Variants in SLC26A4 observed in about 807,000 individuals in gnomAD.
SLC26A4 encodes the protein solute carrier family 26 member 4, also known as pendrin.
Under a neutral mutation model 90.4 loss-of-function variants are expected in SLC26A4, and 93 were observed. The observed-to-expected ratio is 1.03, with a 90% CI of 0.87 to 1.22. The LOEUF (loss-of-function observed/expected upper bound fraction) is 1.22. Among genes scored for constraint, SLC26A4 ranks in the 50% most tolerant of loss-of-function variants. The pLI is 0.00. For synonymous variants in SLC26A4, 393 were observed against 354.6 expected (o/e 1.11, Z -1.22); for missense variants, 1,127 against 946.2 (o/e 1.19, Z -2.51).
chr7:107,688,025 C>A (rs781469505), intron 8 of SLC26A4, among the ~76,000 whole-genome samples: 3 of 152,078 alleles, frequency 2.0e-5, no homozygotes, highest in Non-Finnish European at 2.9e-5. Context: ...GGCAGAGAAC[C>A]AGACAGATCT....
chr7:107,663,011 C>A (rs1790604086), intron 2 of SLC26A4, among the ~76,000 whole-genome samples: 1 of 152,018 alleles, frequency 6.6e-6, no homozygotes, highest in Non-Finnish European at 1.5e-5. Flanking sequence ...CTGGCTGGAC[C>A]AGAAAATAGG....
chr7:107,667,886 G>A (rs1016163167), intron 3 of SLC26A4, among the ~76,000 whole-genome samples: 4 of 152,140 alleles, frequency 2.6e-5, no homozygotes, highest in Non-Finnish European at 5.9e-5. Context: ...TAACTTGGGA[G>A]CATCTCATGC....
chr7:107,674,082 A>G, intron 4 of SLC26A4, 82 bp from the exon 5 acceptor site: 2 of 1,357,302 alleles, frequency 1.5e-6, no homozygotes, highest in East Asian at 4.6e-5. Context: ...TAAATCTTTT[A>G]TACATTTTTT....
chr7:107,695,064 A>G (rs953230148), intron 12 of SLC26A4, among the ~76,000 whole-genome samples: 2 of 152,230 alleles, frequency 1.3e-5, no homozygotes, highest in African/African-American at 2.4e-5. Flanking sequence ...TACAAAATGT[A>G]AAAACCCACG....
chr7:107,669,727 T>G (rs1418928904), intron 3 of SLC26A4, among the ~76,000 whole-genome samples: 1 of 152,230 alleles, frequency 6.6e-6, no homozygotes, highest in African/African-American at 2.4e-5. Context: ...GAATGCTTAT[T>G]GTAGAAAACT....
At chr7:107,714,583 A>C (rs1792289136) in intron 20 of SLC26A4, among the ~76,000 whole-genome samples, 1 of 152,142 alleles carries the variant, frequency 6.6e-6, no homozygotes, top group South Asian at 2.1e-4. Context: ...GTCAACATTA[A>C]AACTTAAGAC....
chr7:107,717,298 G>A lies in SLC26A4; in HGVS notation c.*1852G>A, dbSNP rs1407274641. 6.6e-6 allele frequency: 1 copy of A among 151,202 alleles called. No individual in the cohort carries two copies. Among genetic ancestry groups the A allele is most frequent in the Non-Finnish European group, 1.5e-5 (1 of 67,910 alleles). The allele number at this position is 151,202 out of a possible 1,614,324, so 9.4% of individuals were successfully genotyped here. A position where few individuals can be genotyped will look rare whatever the true frequency, so the allele number is the denominator to read the frequency against. ...GGAGAATGGCGTGAACCCGGGAGGC[G>A]GAGCTTGCAGTGAGCCGAGGTCGTG... On this transcript the variant is annotated 3_prime_UTR_variant, in exon 21 of 21. Coordinates refer to ENST00000644269, the MANE Select transcript of SLC26A4 (RefSeq NM_000441.2).
intron 8 of SLC26A4, among the ~76,000 whole-genome samples, chr7:107,688,827 G>C (rs1791487834): frequency 6.6e-6 from 1 of 152,180 alleles, no homozygotes; most frequent in African/African-American, 2.4e-5. Flanking sequence ...GCATGGCTAG[G>C]CTCAAAAATA....
intron 18 of SLC26A4, 49 bp from the exon 19 acceptor site, chr7:107,710,005 A>AC: frequency 3.2e-6 from 5 of 1,554,404 alleles, no homozygotes; most frequent in Middle Eastern, 1.7e-4. Flanking sequence ...AAACAAACAA[A>AC]AATTTCTTTT....
Position 107,710,201 on chromosome 7 carries a change from T to TA in SLC26A4, c.2235+5dup. 6 of 1,586,970 alleles carry TA rather than the reference T, an allele frequency of 3.8e-6. No individual in the cohort carries two copies. Among genetic ancestry groups the TA allele is most frequent in the Non-Finnish European group, 5.2e-6 (6 of 1,155,446 alleles). ...GGTCAAGGTTCCATTTTAGAAACGGTAAATATTCAACCTTTCTACAGATGT... is the reference window on the plus strand; with the variant it reads ...GGTCAAGGTTCCATTTTAGAAACGGTAAAATATTCAACCTTTCTACAGATGT... On this transcript the variant is annotated splice_region_variant and intron_variant, in intron 19 of 20. Transcript: ENST00000644269.
rs1332297850 is a variant in SLC26A4, at chr7:107,710,096, A to G, written c.2132A>G (p.Asp711Gly). ...CTGGAGCAATGCGGGTTCTTTGACG[A>G]CAACATTAGAAAGGACACATTCTTT... Reference protein sequence around the residue: ...EKLEQCGFFDDNIRKDTFFLT... With the variant: ...EKLEQCGFFDGNIRKDTFFLT... The change falls in exon 19 of 21, where the codon GAC becomes GGC. Residue 711 changes from aspartate (D) to glycine (G), a missense_variant. By Grantham distance (94) the Asp-to-Gly change is moderately conservative. Transcript: ENST00000644269. 1 of 1,611,932 alleles carries G rather than the reference A, an allele frequency of 6.2e-7. No individual in the cohort carries two copies. The highest frequency in any genetic ancestry group is 8.5e-7 in the Non-Finnish European group (1 of 1,178,078).
chr7:107,662,173 G>A (rs1420200807), intron 2 of SLC26A4: 2 of 268,514 alleles, frequency 7.4e-6, no homozygotes, highest in Non-Finnish European at 1.4e-5. Flanking sequence ...GGGAAACCCA[G>A]CTCTTGACCA....
chr7:107,671,449 C>T (rs1351145053), intron 3 of SLC26A4, among the ~76,000 whole-genome samples: 2 of 152,182 alleles, frequency 1.3e-5, no homozygotes. Context: ...GTGTAGGACA[C>T]CAGGCCTGAC....
intron 18 of SLC26A4, among the ~76,000 whole-genome samples, chr7:107,705,811 C>T (rs1398298413): frequency 6.6e-6 from 1 of 152,214 alleles, no homozygotes; most frequent in Non-Finnish European, 1.5e-5. Context: ...GAGCTGTCTA[C>T]AGCATGAAGT....
chr7:107,668,987 ACT>A (rs1790791351), intron 3 of SLC26A4, among the ~76,000 whole-genome samples: 1 of 151,246 alleles, frequency 6.6e-6, no homozygotes, highest in Non-Finnish European at 1.5e-5. Flanking sequence ...CTTTTTTGAG[ACT>A]CTTTCTCACA....
intron 10 of SLC26A4, among the ~76,000 whole-genome samples, chr7:107,690,706 T>C (rs1373862563): frequency 6.6e-6 from 1 of 152,212 alleles, no homozygotes; most frequent in Non-Finnish European, 1.5e-5. Flanking sequence ...AACAGTTTGC[T>C]AGCCAAGAAT....
chr7:107,697,410 G>A (rs1392676561), intron 13 of SLC26A4, among the ~76,000 whole-genome samples: 1 of 152,158 alleles, frequency 6.6e-6, no homozygotes, highest in Non-Finnish European at 1.5e-5. Flanking sequence ...AATGCTGAAA[G>A]TACACTAAAC....
chr7:107,685,849 T>C (rs769695822), intron 8 of SLC26A4, among the ~76,000 whole-genome samples: 2 of 152,162 alleles, frequency 1.3e-5, no homozygotes, highest in Non-Finnish European at 2.9e-5. Flanking sequence ...TCTTCTGTTA[T>C]AGTGGTGTGT....
chr7:107,698,075 C>T lies in SLC26A4; in HGVS notation c.1578C>T (p.Ser526=), dbSNP rs779664528. The T allele has an allele frequency of 1.9e-6, 3 of 1,610,174 alleles. No individual in the cohort carries two copies. The highest frequency in any genetic ancestry group is 1.7e-6 in the Non-Finnish European group (2 of 1,176,496). ...GGAATGGCCTTGGAAGCATCCCTAG[C>T]ACAGATATCTACAAAAGTACCAAGA... ...PSWNGLGSIP[S]TDIYKSTKNY... The change falls in exon 14 of 21, where the codon AGC becomes AGT. Residue 526 remains serine (S), a synonymous_variant. Coordinates refer to ENST00000644269, the MANE Select transcript of SLC26A4 (RefSeq NM_000441.2).
Sources: allele counts gnomAD v4.1 joint callset (sites outside exome capture counted in the v4.1 genomes callset), GRCh38; gene constraint gnomAD v4.1.1; transcripts MANE v1.5; gene names NCBI Gene and HGNC (gene_info 2026-07-23, HGNC 2026-07-21).